CFH: variants seen among roughly 807,000 people sequenced by gnomAD.
CFH encodes H factor 1 (complement).
CFH carries 53 observed loss-of-function variants against 147.3 expected under a neutral mutation model. That is an observed-to-expected ratio of 0.36 (90% confidence interval 0.29 to 0.45). The LOEUF (loss-of-function observed/expected upper bound fraction) is 0.45. Ranked by LOEUF, CFH falls within the 20% of genes least tolerant of loss-of-function variation. CFH has a pLI of 1.00. For missense variants in CFH, 1,380 were observed against 1,498.0 expected (o/e 0.92, Z 1.30); for synonymous variants, 536 against 489.4 (o/e 1.10, Z -1.26).
Position 196,669,506 on chromosome 1 carries a change from C to T in CFH, c.59-3472C>T, listed in dbSNP as rs555568039. 9.2e-5 allele frequency among the ~76,000 whole-genome samples: 14 copies of T among 152,296 alleles called. No individual in the cohort carries two copies. In the South Asian group the frequency reaches 2.9e-3, roughly 32 times the overall value. Reference sequence around the variant, plus strand: ...CAGGAGTTGGTGGCTTGCATCCTAGCTGCACCAGCTGCAGCCATGTCTAAA... The same window carrying T: ...CAGGAGTTGGTGGCTTGCATCCTAGTTGCACCAGCTGCAGCCATGTCTAAA... On this transcript the variant is annotated intron_variant, in intron 1 of 21. Transcript: ENST00000367429.
intron 21 of CFH, 85 bp downstream of exon 21, chr1:196,746,084 T>A: frequency 6.2e-7 from 1 of 1,602,834 alleles, no homozygotes; most frequent in South Asian, 1.1e-5. Flanking sequence ...ACTCACAGAT[T>A]ATTGAACAAC....
chr1:196,658,332 C>T (rs1666778212), intron 1 of CFH, among the ~76,000 whole-genome samples: 1 of 151,444 alleles, frequency 6.6e-6, no homozygotes, highest in Admixed American at 6.6e-5. Context: ...ACTGCAGCCT[C>T]GACCTCCTGG....
Position 196,747,160 on chromosome 1 carries a change from A to G in CFH, c.3543A>G (p.Leu1181=), listed in dbSNP as rs1653040962. 1 of 1,613,862 alleles carries G rather than the reference A, an allele frequency of 6.2e-7. No individual in the cohort carries two copies. Among genetic ancestry groups the G allele is most frequent in the Non-Finnish European group, 8.5e-7 (1 of 1,179,830 alleles). The change falls in exon 22 of 22, where the codon TTA becomes TTG. Residue 1181 remains leucine (L), a synonymous_variant. Transcript: ENST00000367429. ...TTATGGAAAATTATAACATAGCATT[A>G]AGGTGGACAGCCAAACAGAAGCTTT... is the stretch of plus-strand genomic sequence containing the variant. ...REIMENYNIA[L]RWTAKQKLYS...
chr1:196,685,711 C>T (rs1288766706), intron 7 of CFH, among the ~76,000 whole-genome samples: 1 of 152,008 alleles, frequency 6.6e-6, no homozygotes, highest in Non-Finnish European at 1.5e-5. Context: ...GAAGGCTTGG[C>T]TGGGAAGGAG....
intron 1 of CFH, among the ~76,000 whole-genome samples, chr1:196,655,686 C>G (rs566557602): frequency 2.0e-4 from 31 of 152,252 alleles, no homozygotes; most frequent in Admixed American, 6.5e-4. Flanking sequence ...ACACCATCCC[C>G]CACCTGCCTA....
rs1558179868 is a variant in CFH, at chr1:196,728,490, A to T, written c.2381A>T (p.Asn794Ile). 6.2e-7 allele frequency: 1 copy of T among 1,612,874 alleles called. No homozygotes were observed. The highest frequency in any genetic ancestry group is 1.3e-5 in the African/African-American group (1 of 74,972). Residue 794 changes from asparagine (N) to isoleucine (I), a missense_variant, in exon 15 of 22, where the codon AAT becomes ATT. Around this residue, in one of 4 missense-constraint regions of CFH, gnomAD observed 830 missense variants for 821.4 expected, o/e 1.01. Transcript: ENST00000367429. ...KEGWIHTVCINGRWDPEVNCS... is the reference protein window; with the variant it reads ...KEGWIHTVCIIGRWDPEVNCS... ...GGATGGATACACACAGTCTGCATAA[A>T]TGGAAGATGGGATCCAGAAGTGAAC...
At chr1:196,656,222 T>C (rs1035718745) in intron 1 of CFH, among the ~76,000 whole-genome samples, 2 of 151,368 alleles carry the variant, frequency 1.3e-5, no homozygotes, top group African/African-American at 4.9e-5. Context: ...GAGAATTGCT[T>C]GAATCAGGGA....
chr1:196,719,071 ATG>A (rs937419314), intron 11 of CFH, among the ~76,000 whole-genome samples: 3 of 152,058 alleles, frequency 2.0e-5, no homozygotes, highest in African/African-American at 7.2e-5. Flanking sequence ...AATAAGGAGT[ATG>A]TATCTCAGAG....
At chr1:196,746,123 A>G (rs1652995885) in intron 21 of CFH, 124 bp downstream of exon 21, 3 of 1,550,890 alleles carry the variant, frequency 1.9e-6, no homozygotes. Context: ...CCTACCAAAT[A>G]TTTCTGTCAG....
At position 196,686,021 on chromosome 1, in the gene CFH, C is replaced by T. The variant is rs543993813; in HGVS notation, c.964+784C>T. Among the ~76,000 whole-genome samples the T allele has an allele frequency of 1.5e-4, 23 of 152,112 alleles. No homozygotes were observed. The South Asian group carries it at 4.6e-3, about 30-fold the overall frequency. Reference sequence around the variant, plus strand: ...ATCATGGTGGAAGGTGAAGGGGAGGCAAGCACATCTTACCATGGCAGAGCA... The same window carrying T: ...ATCATGGTGGAAGGTGAAGGGGAGGTAAGCACATCTTACCATGGCAGAGCA... On this transcript the variant is annotated intron_variant, in intron 7 of 21. Transcript: ENST00000367429.
chr1:196,735,046 C>G (rs185241907), intron 15 of CFH, among the ~76,000 whole-genome samples: 1 of 152,012 alleles, frequency 6.6e-6, no homozygotes, highest in African/African-American at 2.4e-5. Context: ...AACTTTAAAG[C>G]TCTATTCTTT....
intron 17 of CFH, among the ~76,000 whole-genome samples, chr1:196,739,298 G>C (rs1248978273): frequency 6.6e-6 from 1 of 152,142 alleles, no homozygotes. Context: ...TTCTGCAGCA[G>C]GCTTGAATTT....
rs183474263 is a variant in CFH, at chr1:196,679,650, T to C, written c.647T>C (p.Ile216Thr). The C allele has an allele frequency of 3.9e-5, 62 of 1,606,798 alleles. No homozygotes were observed. In the East Asian group the frequency reaches 5.8e-4, roughly 15 times the overall value. ...ATTTCATGCAAATCCCCAGATGTTA[T>C]AAATGGATCTCCTATATCTCAGAAG... ...VEISCKSPDV[I>T]NGSPISQKII... The change falls in exon 6 of 22, where the codon ATA (isoleucine) becomes ACA (threonine). Residue 216 changes from isoleucine to threonine, a missense_variant. By Grantham distance (89) the Ile-to-Thr change is moderately conservative (BLOSUM62 -1). This residue lies in a region of CFH where 260 missense variants were observed against 263.3 expected (regional missense o/e 0.99). Transcript: ENST00000367429.
chr1:196,724,833 A>G (rs975137007), intron 11 of CFH, among the ~76,000 whole-genome samples: 7 of 152,186 alleles, frequency 4.6e-5, no homozygotes, highest in Non-Finnish European at 1.0e-4. Flanking sequence ...GTAATATTAA[A>G]TTTCATTAAT....
chr1:196,743,354 A>T (rs1652876926), intron 19 of CFH, 98 bp from the exon 20 acceptor site: 1 of 1,498,138 alleles, frequency 6.7e-7, no homozygotes, highest in Non-Finnish European at 9.2e-7. Flanking sequence ...TTGTCTACTT[A>T]TTTTAAATTC....
intron 14 of CFH, among the ~76,000 whole-genome samples, chr1:196,728,090 A>G (rs780163476): frequency 6.6e-6 from 1 of 152,096 alleles, no homozygotes; most frequent in Non-Finnish European, 1.5e-5. Context: ...ATATCCAATG[A>G]TATTTTGTAT....
chr1:196,666,104 C>G (rs1254165039), intron 1 of CFH, among the ~76,000 whole-genome samples: 1 of 152,156 alleles, frequency 6.6e-6, no homozygotes, highest in African/African-American at 2.4e-5. Flanking sequence ...TATCTTAACC[C>G]CCACCAGGAT....
intron 1 of CFH, among the ~76,000 whole-genome samples, chr1:196,663,608 T>G (rs1666978097): frequency 6.6e-6 from 1 of 152,210 alleles, no homozygotes; most frequent in South Asian, 2.1e-4. Context: ...GTATAATGTC[T>G]TTGACATTTG....
At chr1:196,675,729 G>A (rs182386164) in intron 3 of CFH, among the ~76,000 whole-genome samples, 5 of 152,146 alleles carry the variant, frequency 3.3e-5, no homozygotes, top group Admixed American at 3.3e-4. Flanking sequence ...AAGATAAAGG[G>A]AGAGAGAGGT....
Sources: allele counts gnomAD v4.1 joint callset (sites outside exome capture counted in the v4.1 genomes callset), GRCh38; gene constraint gnomAD v4.1.1; regional missense constraint gnomAD v4.1.1; transcripts MANE v1.5; gene names NCBI Gene and HGNC (gene_info 2026-07-23, HGNC 2026-07-21).